The following ALOX15 variants were observed in gnomAD, a reference collection of about 807,000 sequenced individuals.
ALOX15 encodes the protein polyunsaturated fatty acid lipoxygenase ALOX15.
Under a neutral mutation model 71.7 loss-of-function variants are expected in ALOX15, and 68 were observed. The ratio of observed to expected loss-of-function variants is 0.95; its 90% CI spans 0.78 to 1.16. ALOX15 has a LOEUF of 1.16. Ranked by LOEUF, ALOX15 falls within the 50% of genes most tolerant of loss-of-function variation. The pLI, the probability that ALOX15 is intolerant of heterozygous loss-of-function variation, is 0.00. For synonymous variants in ALOX15, 346 were observed against 333.3 expected (o/e 1.04, Z -0.42); for missense variants, 798 against 818.8 (o/e 0.97, Z 0.31).
chr17:4,632,315 G>C, intron 11 of ALOX15, 34 bp from the exon 12 acceptor site: 5 of 1,567,586 alleles, frequency 3.2e-6, no homozygotes, highest in Non-Finnish European at 4.4e-6. Context: ...AAGCTGCGAA[G>C]GCAGGAGTAG....
Position 4,639,111 on chromosome 17 carries a change from G to A in ALOX15, c.359C>T (p.Pro120Leu). 3 of 1,614,168 alleles carry A rather than the reference G, an allele frequency of 1.9e-6. No individual in the cohort carries two copies. The highest frequency in any genetic ancestry group is 1.6e-4 in the Middle Eastern group (1 of 6,062). The change falls in exon 3 of 14, where the codon CCT becomes CTT. Residue 120 changes from proline to leucine, a missense_variant. Around this residue, in one of 3 missense-constraint regions of ALOX15, gnomAD observed 300 missense variants for 283.1 expected, o/e 1.06. Transcript: ENST00000293761. ...CCGGTGTTTCTGGAACAGGCCCTGA[G>A]GGTCCTCGCCCACAGTGCGGCCTAG... is the stretch of plus-strand genomic sequence containing the variant. ...EGTGRTVGEDPQGLFQKHREE... is the reference protein window; with the variant it reads ...EGTGRTVGEDLQGLFQKHREE...
chr17:4,632,251 T>C lies in ALOX15; in HGVS notation c.1571A>G (p.Gln524Arg), dbSNP rs1367940057. ...GFPVSLQARD[Q>R]VCHFVTMCIF... is the part of the protein sequence containing the mutation. The stretch of plus-strand genomic sequence containing the variant: ...ACACATGGTGACAAAGTGGCAAACC[T>C]GGTCCCGAGCCTGTAAAGAGACAGG... Residue 524 changes from glutamine (Q) to arginine (R), a missense_variant, in exon 12 of 14, where the codon CAG becomes CGG. By Grantham distance (43) the Gln-to-Arg change is conservative (BLOSUM62 1). Transcript: ENST00000293761. The C allele has an allele frequency of 6.2e-7, 1 of 1,614,176 alleles. No individual in the cohort carries two copies. Among genetic ancestry groups the C allele is most frequent in the Non-Finnish European group, 8.5e-7 (1 of 1,180,038 alleles).
intron 1 of ALOX15, 190 bp from the exon 2 acceptor site, chr17:4,639,821 G>A (rs1200960610): frequency 1.7e-6 from 1 of 583,992 alleles, no homozygotes; most frequent in Non-Finnish European, 3.0e-6. Context: ...CGGTTCTGAG[G>A]GGACGGGGAC....
At chr17:4,637,866 CCTCT>C (rs1181698051) in intron 6 of ALOX15, among the ~76,000 whole-genome samples, 1 of 151,968 alleles carries the variant, frequency 6.6e-6, no homozygotes, top group Non-Finnish European at 1.5e-5. Flanking sequence ...CCATGAATTT[CCTCT>C]CTGTTGTTCC....
At chr17:4,639,829 G>T in intron 1 of ALOX15, 198 bp from the exon 2 acceptor site, 1 of 578,666 alleles carries the variant, frequency 1.7e-6, no homozygotes, top group East Asian at 2.9e-5. Flanking sequence ...AGGGGACGGG[G>T]ACGGCAGGTG....
At position 4,631,593 on chromosome 17, in the gene ALOX15, G is replaced by A; in HGVS notation, c.*7C>T. On this transcript the variant is annotated 3_prime_UTR_variant, in exon 14 of 14. Coordinates refer to ENST00000293761, the MANE Select transcript of ALOX15 (RefSeq NM_001140.5). ...TGGGGGCTGAAATAACCAAAGGGTGGCGACGCTTAGATGGCCACACTGTTT... is the reference window on the plus strand; with the variant it reads ...TGGGGGCTGAAATAACCAAAGGGTGACGACGCTTAGATGGCCACACTGTTT... The A allele has an allele frequency of 6.2e-7, 1 of 1,612,286 alleles. No individual in the cohort carries two copies. Among genetic ancestry groups the A allele is most frequent in the Non-Finnish European group, 8.5e-7 (1 of 1,179,938 alleles).
rs1280534807 is a variant in ALOX15 at position 4,633,241 on chromosome 17, G to A, written c.1323C>T (p.Phe441=). ...GGTCGGCCAAGTCATCAGGGGGACAGAAGGAGCTGTAGGTTAGGAAGGCTC... is the reference window on the plus strand; with the variant it reads ...GGTCGGCCAAGTCATCAGGGGGACAAAAGGAGCTGTAGGTTAGGAAGGCTC... ...QAGAFLTYSS[F]CPPDDLADRG... Residue 441 remains phenylalanine (F), a synonymous_variant, in exon 10 of 14, where the codon TTC becomes TTT. Coordinates refer to ENST00000293761, the MANE Select transcript of ALOX15 (RefSeq NM_001140.5). 6.2e-7 allele frequency: 1 copy of A among 1,614,172 alleles called. No individual in the cohort carries two copies. The highest frequency in any genetic ancestry group is 1.1e-5 in the South Asian group (1 of 91,082).
rs1478258726 is a variant in ALOX15 at position 4,631,507 on chromosome 17, A to AG, written c.*92dup. 4 of 1,451,362 alleles carry AG rather than the reference A, an allele frequency of 2.8e-6. No homozygotes were observed. In the African/African-American group the frequency reaches 4.3e-5, roughly 16 times the overall value. 89.9% of individuals were successfully genotyped at this position (1,451,362 alleles called of 1,614,324 possible). A position where few individuals can be genotyped will look rare whatever the true frequency, so the allele number is the denominator to read the frequency against. On this transcript the variant is annotated 3_prime_UTR_variant, in exon 14 of 14. Transcript: ENST00000293761. The stretch of plus-strand genomic sequence containing the variant: ...TCTAGGGAGGGTGGGACATGGGAAG[A>AG]GGGTGGGACTTGGGAGGGCAGGGCT...
Position 4,632,953 on chromosome 17 carries a change from T to G in ALOX15, c.1448A>C (p.Tyr483Ser), listed in dbSNP as rs778127458. The part of the protein sequence containing the change: ...RYVEGIVSLH[Y>S]KTDVAVKDDP... ...GTCTTTCACAGCCACGTCTGTCTTA[T>G]AGTGGAGACTCACGATTCCTTCCAC... Residue 483 changes from tyrosine to serine, a missense_variant, in exon 11 of 14, where the codon TAT (tyrosine) becomes TCT (serine). Tyr to Ser is a moderately radical substitution (Grantham distance 144). This residue lies in a region of ALOX15 where 490 missense variants were observed against 509.4 expected (regional missense o/e 0.96). Coordinates refer to ENST00000293761, the MANE Select transcript of ALOX15 (RefSeq NM_001140.5). 1 of 1,614,150 alleles carries G rather than the reference T, an allele frequency of 6.2e-7. No homozygotes were observed. Among genetic ancestry groups the G allele is most frequent in the South Asian group, 1.1e-5 (1 of 91,082 alleles).
rs11568132 is a variant in ALOX15 at position 4,631,290 on chromosome 17, T to TCC, written c.*308_*309dup. ...AAGGTGTGGAGTAATATGTATTATA[T>TCC]CCCCCTATTCTAGTCTTGAAATGAT... On this transcript the variant is annotated 3_prime_UTR_variant, in exon 14 of 14. Transcript: ENST00000293761. 2.1e-3 allele frequency: 755 copies of TCC among 362,760 alleles called. 6 individuals are homozygous for TCC. Among genetic ancestry groups the TCC allele is most frequent in the African/African-American group, 0.014 (691 of 48,788 alleles). 22.5% of individuals were successfully genotyped at this position (362,760 alleles called of 1,614,324 possible).
At chr17:4,639,790 C>G in intron 1 of ALOX15, 159 bp from the exon 2 acceptor site, 2 of 691,638 alleles carry the variant, frequency 2.9e-6, no homozygotes, top group Non-Finnish European at 4.7e-6. Flanking sequence ...GGGACCGCGC[C>G]GAGCAGGTGG....
Position 4,631,633 on chromosome 17 carries a change from C to T in ALOX15, c.1956G>A (p.Arg652=). 6.2e-7 allele frequency: 1 copy of T among 1,613,726 alleles called. No individual in the cohort carries two copies. Among genetic ancestry groups the T allele is most frequent in the Non-Finnish European group, 8.5e-7 (1 of 1,180,024 alleles). ...AKLDMPYEYL[R]PSVVENSVAI ...CCACACTGTTTTCCACCACGCTGGG[C>T]CGCAGGTACTCGTAGGGCATGTCCA... Residue 652 remains arginine (R), a synonymous_variant, in exon 14 of 14, where the codon CGG becomes CGA. Coordinates refer to ENST00000293761, the MANE Select transcript of ALOX15 (RefSeq NM_001140.5).
At chr17:4,632,747 G>A (rs897694246) in intron 11 of ALOX15, 114 bp downstream of exon 11, 13 of 1,525,214 alleles carry the variant, frequency 8.5e-6, no homozygotes, top group Admixed American at 7.3e-5. Flanking sequence ...GAAGGCCTCT[G>A]GAGTTCTCAT....
chr17:4,637,141 C>T lies in ALOX15; in HGVS notation c.925G>A (p.Gly309Arg). The T allele has an allele frequency of 3.1e-6, 5 of 1,613,510 alleles. No individual in the cohort carries two copies. The highest frequency in any genetic ancestry group is 1.7e-6 in the Non-Finnish European group (2 of 1,179,650). Residue 309 changes from glycine to arginine, a missense_variant, in exon 7 of 14, where the codon GGG becomes AGG. By Grantham distance (125) the Gly-to-Arg change is moderately radical. Around this residue, in one of 3 missense-constraint regions of ALOX15, gnomAD observed 490 missense variants for 509.4 expected, o/e 0.96. Transcript: ENST00000293761. Reference protein sequence around the residue: ...PLVMLKLQPDGKLLPMVIQLQ... With the variant: ...PLVMLKLQPDRKLLPMVIQLQ... ...TGGATGACCATGGGCAAGAGTTTCC[C>T]ATCAGGCTGCAATTTCAGCATGACT...
rs759533062 is a variant in ALOX15, at chr17:4,632,867, C to T, written c.1534G>A (p.Asp512Asn). Residue 512 changes from aspartate (D) to asparagine (N), a missense_variant, in exon 11 of 14, where the codon GAC becomes AAC. Physicochemically the swap from Asp to Asn is conservative, Grantham distance 23. Around this residue, in one of 3 missense-constraint regions of ALOX15, gnomAD observed 490 missense variants for 509.4 expected, o/e 0.96. Coordinates refer to ENST00000293761, the MANE Select transcript of ALOX15 (RefSeq NM_001140.5). ...GGGCAGGGGCTCCTCTTACCTCGGT[C>T]CTGGGCCCCTTGCAGCCCGATTTCA... ...ITEIGLQGAQ[D>N]RGFPVSLQAR... The T allele has an allele frequency of 6.2e-6, 10 of 1,614,080 alleles. No individual in the cohort carries two copies. The East Asian group carries it at 2.2e-4, about 36-fold the overall frequency.
rs750069334 is a variant in ALOX15, at chr17:4,638,850, C to G, written c.542G>C (p.Gly181Ala). ...RVDFEVSLAKGLADLAIKDSL... is the reference protein window; with the variant it reads ...RVDFEVSLAKALADLAIKDSL... ...TCACCCAGCCTCCCCTTGCTCTCAC[C>G]CCTTGGCCAGCGAAACCTCAAAGTC... The change falls in exon 4 of 14, where the codon GGG (glycine) becomes GCG (alanine). Residue 181 changes from glycine to alanine, a missense_variant and splice_region_variant. Gly to Ala is a moderately conservative substitution (Grantham distance 60, BLOSUM62 0). Transcript: ENST00000293761. 1.9e-6 allele frequency: 3 copies of G among 1,614,204 alleles called. No individual in the cohort carries two copies. The East Asian group carries it at 6.7e-5, about 36-fold the overall frequency.
intron 8 of ALOX15, 114 bp downstream of exon 8, chr17:4,635,645 A>G (rs1418456770): frequency 2.0e-6 from 2 of 1,005,644 alleles, no homozygotes; most frequent in East Asian, 2.5e-5. Context: ...CACATTGTCC[A>G]TTCATTGTTT....
rs1036519685 is a variant in ALOX15 at position 4,631,500 on chromosome 17, T to C, written c.*100A>G. The C allele has an allele frequency of 4.3e-6, 6 of 1,411,638 alleles. No individual in the cohort carries two copies. Among genetic ancestry groups the C allele is most frequent in the African/African-American group, 3.0e-5 (2 of 66,438 alleles). The allele number at this position is 1,411,638 out of a possible 1,614,324, so 87.4% of individuals were successfully genotyped here. A position where few individuals can be genotyped will look rare whatever the true frequency, so the allele number is the denominator to read the frequency against. ...GTGCCCCTCTAGGGAGGGTGGGACA[T>C]GGGAAGAGGGTGGGACTTGGGAGGG... On this transcript the variant is annotated 3_prime_UTR_variant, in exon 14 of 14. Transcript: ENST00000293761.
intron 8 of ALOX15, among the ~76,000 whole-genome samples, chr17:4,634,935 G>C (rs1267836955): frequency 1.3e-5 from 2 of 148,760 alleles, no homozygotes; most frequent in Admixed American, 6.8e-5. Flanking sequence ...CCAAGATCGT[G>C]ACACTGCACT....
Sources: gnomAD v4.1 joint callset for allele counts (sites outside exome capture counted in the v4.1 genomes callset) on GRCh38, gnomAD v4.1.1 for gene constraint, gnomAD v4.1.1 regional missense constraint, MANE v1.5 for transcripts, NCBI Gene and HGNC (gene_info 2026-07-23, HGNC 2026-07-21) for gene names.